The following ENOX1 variants were observed in gnomAD, a reference collection of about 807,000 sequenced individuals.
ENOX1 encodes the protein candidate growth-related and time keeping constitutive hydroquinone (NADH) oxidase.
A neutral mutation model predicts 82.5 loss-of-function variants in ENOX1; 42 were observed. That is an observed-to-expected ratio of 0.51 (90% CI 0.40 to 0.66). The LOEUF (loss-of-function observed/expected upper bound fraction) is 0.66, where lower values mean the gene tolerates loss of function less well. Ranked by LOEUF, ENOX1 falls within the 30% of genes least tolerant of loss-of-function variation. The pLI is 0.00. For missense variants in ENOX1, 608 were observed against 811.6 expected (o/e 0.75, Z 3.05); for synonymous variants, 271 against 282.2 (o/e 0.96, Z 0.40).
At chr13:43,674,660 ATAC>A (rs1269544000) in intron 1 of ENOX1, among the ~76,000 whole-genome samples, 3 of 152,166 alleles carry the variant, frequency 2.0e-5, no homozygotes, top group Non-Finnish European at 4.4e-5. Flanking sequence ...CTACGAGTGG[ATAC>A]ATGTCATTAT....
At chr13:43,245,236 T>C (rs2043026772) in intron 14 of ENOX1, among the ~76,000 whole-genome samples, 1 of 152,152 alleles carries the variant, frequency 6.6e-6, no homozygotes, top group East Asian at 1.9e-4. Context: ...TGTGTTTCTT[T>C]GTTTCATTTT....
At chr13:43,434,937 G>GTTTTTTTTTTTTTTTTTT (rs537775258) in intron 3 of ENOX1, among the ~76,000 whole-genome samples, 35 of 75,886 alleles carry the variant, frequency 4.6e-4, no homozygotes, top group African/African-American at 1.2e-3. Context: ...TGTGTGTGTG[G>GTTTTTTTTTTTTTTTTTT]TTTTTTTTTT....
chr13:43,448,391 G>GGCAAATA (rs1566247249), intron 3 of ENOX1, among the ~76,000 whole-genome samples: 1 of 152,042 alleles, frequency 6.6e-6, no homozygotes, highest in African/African-American at 2.4e-5. Flanking sequence ...AACTTCAAAC[G>GGCAAATA]GCAAATAAAG....
intron 14 of ENOX1, among the ~76,000 whole-genome samples, chr13:43,263,322 TC>T (rs1247082507): frequency 2.0e-5 from 3 of 151,896 alleles, no homozygotes; most frequent in African/African-American, 7.3e-5. Context: ...CACAAATATC[TC>T]CCCCACCCCC....
intron 2 of ENOX1, among the ~76,000 whole-genome samples, chr13:43,660,261 C>T (rs2084654652): frequency 6.6e-6 from 1 of 152,184 alleles, no homozygotes; most frequent in Non-Finnish European, 1.5e-5. Context: ...GTAACTGTTG[C>T]CCTATTTCTT....
rs181389445 is a variant in ENOX1 at position 43,521,627 on chromosome 13, A to G, written c.-218-37475T>C. ...TCCTTCCCCCTAAAAAGTAAGAGAT[A>G]TAAAATATACTTTGCCCTGGAAGGT... On this transcript the variant is annotated intron_variant, in intron 2 of 16. Transcript: ENST00000690772. Among the ~76,000 whole-genome samples the G allele has an allele frequency of 4.5e-4, 68 of 152,310 alleles. 1 individual carries two copies. Among genetic ancestry groups the G allele is most frequent in the African/African-American group, 1.5e-3 (63 of 41,568 alleles).
At chr13:43,285,666 C>T (rs935880398) in intron 12 of ENOX1, among the ~76,000 whole-genome samples, 83 of 152,024 alleles carry the variant, frequency 5.5e-4, no homozygotes, top group African/African-American at 1.9e-3. Context: ...ATTAGCTAGG[C>T]ATGGTGGCAG....
At position 43,616,170 on chromosome 13, in the gene ENOX1, C is replaced by CTATAGA. The variant is rs1566641829; in HGVS notation, c.-219+51308_-219+51309insTCTATA. 3.9e-3 allele frequency among the ~76,000 whole-genome samples: 31 copies of CTATAGA among 7,852 alleles called. 2 individuals carry two copies. The highest frequency in any genetic ancestry group is 0.042 in the East Asian group (2 of 48). The allele number at this position is 7,852 out of a possible 152,430, so 5.2% of individuals were successfully genotyped here. Reference sequence around the variant, plus strand: ...TCTATATAGATAGATATCTATCTATCTATCTATCTATCTATCTATATATAT... The same window carrying CTATAGA: ...TCTATATAGATAGATATCTATCTATCTATAGATATCTATCTATCTATCTATATATAT... On this transcript the variant is annotated intron_variant, in intron 2 of 16. Transcript: ENST00000690772.
At chr13:43,674,612 A>G (rs2153792768) in intron 1 of ENOX1, among the ~76,000 whole-genome samples, 1 of 152,270 alleles carries the variant, frequency 6.6e-6, no homozygotes, top group African/African-American at 2.4e-5. Context: ...GGCAGAGGGC[A>G]GAAGATTTTA....
intron 1 of ENOX1, among the ~76,000 whole-genome samples, chr13:43,677,041 A>G (rs188933595): frequency 1.5e-4 from 23 of 152,130 alleles, no homozygotes; most frequent in South Asian, 2.1e-4. Context: ...AGACCCTTCA[A>G]CAAGGCCTTA....
chr13:43,407,675 G>A (rs1225863685), intron 5 of ENOX1, among the ~76,000 whole-genome samples: 2 of 152,112 alleles, frequency 1.3e-5, no homozygotes, highest in Admixed American at 6.5e-5. Context: ...AAGGCCTTGG[G>A]AAAACCTACA....
intron 1 of ENOX1, among the ~76,000 whole-genome samples, chr13:43,703,315 T>G (rs1186949716): frequency 6.6e-6 from 1 of 151,982 alleles, no homozygotes; most frequent in Non-Finnish European, 1.5e-5. Flanking sequence ...ACATAAAGAG[T>G]ATGGAATAGA....
intron 9 of ENOX1, among the ~76,000 whole-genome samples, chr13:43,328,153 G>A (rs2048221163): frequency 6.6e-6 from 1 of 152,148 alleles, no homozygotes. Flanking sequence ...TCTAAGTGCT[G>A]GCCATCAGCT....
intron 15 of ENOX1, among the ~76,000 whole-genome samples, chr13:43,225,192 A>G (rs1175011748): frequency 2.0e-5 from 3 of 152,260 alleles, no homozygotes; most frequent in African/African-American, 4.8e-5. Context: ...GCATGTTCTT[A>G]TAAGTGGGAG....
At chr13:43,723,973 A>G (rs188399679) in intron 1 of ENOX1, among the ~76,000 whole-genome samples, 3 of 152,336 alleles carry the variant, frequency 2.0e-5, no homozygotes, top group African/African-American at 7.2e-5. Context: ...ATCTCTTCAC[A>G]TCACTAGGGT....
intron 14 of ENOX1, among the ~76,000 whole-genome samples, chr13:43,244,273 A>C (rs897196764): frequency 6.6e-6 from 1 of 151,942 alleles, no homozygotes; most frequent in African/African-American, 2.4e-5. Context: ...AAAAACTATA[A>C]ATTTCTAGGA....
At chr13:43,565,483 G>A (rs888362196) in intron 2 of ENOX1, among the ~76,000 whole-genome samples, 1 of 152,032 alleles carries the variant, frequency 6.6e-6, no homozygotes, top group African/African-American at 2.4e-5. Context: ...TCTCTCTCAT[G>A]GATCCAGGAG....
chr13:43,740,036 G>T (rs1314438643), intron 1 of ENOX1, among the ~76,000 whole-genome samples: 1 of 152,014 alleles, frequency 6.6e-6, no homozygotes, highest in Non-Finnish European at 1.5e-5. Flanking sequence ...GGAGTCAAAA[G>T]TTATGTGCAG....
At chr13:43,544,820 A>G (rs990054061) in intron 2 of ENOX1, 1 of 152,126 alleles carries the variant, frequency 6.6e-6, no homozygotes, top group Non-Finnish European at 1.5e-5. Context: ...AATTGAAAGC[A>G]TCTGCTGGTC....
Sources: gnomAD v4.1 joint callset for allele counts (sites outside exome capture counted in the v4.1 genomes callset) on GRCh38, gnomAD v4.1.1 for gene constraint, MANE v1.5 for transcripts, NCBI Gene and HGNC (gene_info 2026-07-23, HGNC 2026-07-21) for gene names.